The following STXBP6 variants were observed in gnomAD, a reference collection of about 807,000 sequenced individuals.
STXBP6 encodes syntaxin binding protein 6.
Under a neutral mutation model 26.9 loss-of-function variants are expected in STXBP6, and 21 were observed. That is an observed-to-expected ratio of 0.78 (90% CI 0.55 to 1.12). The LOEUF (loss-of-function observed/expected upper bound fraction) is 1.12, where lower values mean the gene tolerates loss of function less well. STXBP6 is among the 50% of genes most tolerant of loss of function. STXBP6 has a pLI of 0.00. For missense variants in STXBP6, 232 were observed against 257.9 expected, an observed-to-expected ratio of 0.90 and a Z score of 0.69; for synonymous variants, 97 against 92.6, an observed-to-expected ratio of 1.05 and a Z score of -0.27.
Position 25,049,693 on chromosome 14 carries a change from C to A in STXBP6, c.-33+185G>T. Reference sequence around the variant, plus strand: ...CACAAAGCAGCTGCGCCGGGGCGCGCGGCCCCCTCTCCCGCCACCCGCCAA... The same window carrying A: ...CACAAAGCAGCTGCGCCGGGGCGCGAGGCCCCCTCTCCCGCCACCCGCCAA... On this transcript the variant is annotated intron_variant, in intron 1 of 5. Coordinates refer to ENST00000323944, the MANE Select transcript of STXBP6 (RefSeq NM_001394410.1). This position sits in a 1 kb window ranked among gnomAD's most constrained non-coding sequence, Gnocchi z 5.6. The A allele has an allele frequency of 1.0e-6, 1 of 985,730 alleles. No homozygotes were observed. The highest frequency in any genetic ancestry group is 1.7e-5 in the African/African-American group (1 of 57,372). 61.1% of individuals were successfully genotyped at this position (985,730 alleles called of 1,614,324 possible). A position where few individuals can be genotyped will look rare whatever the true frequency, so the allele number is the denominator to read the frequency against.
intron 4 of STXBP6, among the ~76,000 whole-genome samples, chr14:24,836,764 G>GA (rs1168600295): frequency 5.3e-5 from 8 of 151,956 alleles, no homozygotes; most frequent in African/African-American, 1.9e-4. Flanking sequence ...AAAATGAATG[G>GA]AAAAAGAGAT....
rs951229861 is a variant in STXBP6 at position 24,810,726 on chromosome 14, T to C, written c.*1983A>G. ...TACTTTGGAATCAGCTTCCCAAACATTGTTGTTAGAGAGTTGGCAACCACT... is the reference window on the plus strand; with the variant it reads ...TACTTTGGAATCAGCTTCCCAAACACTGTTGTTAGAGAGTTGGCAACCACT... On this transcript the variant is annotated 3_prime_UTR_variant, in exon 6 of 6. Transcript: ENST00000323944. 1.3e-5 allele frequency: 2 copies of C among 152,182 alleles called. No homozygotes were observed. The highest frequency in any genetic ancestry group is 2.9e-5 in the Non-Finnish European group (2 of 68,032). The allele number at this position is 152,182 out of a possible 1,614,324, so 9.4% of individuals were successfully genotyped here. A position where few individuals can be genotyped will look rare whatever the true frequency, so the allele number is the denominator to read the frequency against.
intron 5 of STXBP6, among the ~76,000 whole-genome samples, chr14:24,814,787 T>C (rs1032242362): frequency 8.5e-5 from 13 of 152,156 alleles, no homozygotes; most frequent in African/African-American, 3.1e-4. Flanking sequence ...ATGAATGAGA[T>C]TAGTGTCCTT....
At position 24,809,512 on chromosome 14, in the gene STXBP6, A is replaced by C. The variant is rs2067763932; in HGVS notation, c.*3197T>G. ...AAGCTTTTCCATTAGAACATATGTA[A>C]TGACATTTTATCATCATGCTAATAC... On this transcript the variant is annotated 3_prime_UTR_variant, in exon 6 of 6. Coordinates refer to ENST00000323944, the MANE Select transcript of STXBP6 (RefSeq NM_001394410.1). 1 of 152,198 alleles carries C rather than the reference A, an allele frequency of 6.6e-6. No homozygotes were observed. The highest frequency in any genetic ancestry group is 2.4e-5 in the African/African-American group (1 of 41,454). The allele number at this position is 152,198 out of a possible 1,614,324, so 9.4% of individuals were successfully genotyped here. A position where few individuals can be genotyped will look rare whatever the true frequency, so the allele number is the denominator to read the frequency against.
rs563712186 is a variant in STXBP6, at chr14:24,822,402, G to A, written c.452-3208C>T. On this transcript the variant is annotated intron_variant, in intron 4 of 5. Transcript: ENST00000323944. ...TATGATAATTACTAGAAATAAAATT[G>A]CTGGTTCAAAGCATACAAACATTTT... 3.9e-5 allele frequency among the ~76,000 whole-genome samples: 6 copies of A among 152,160 alleles called. No individual in the cohort carries two copies. In the East Asian group the frequency reaches 1.2e-3, roughly 29 times the overall value.
At chr14:24,827,311 C>G (rs1441098607) in intron 4 of STXBP6, among the ~76,000 whole-genome samples, 1 of 152,190 alleles carries the variant, frequency 6.6e-6, no homozygotes, top group Non-Finnish European at 1.5e-5. Flanking sequence ...GCAGTATGTG[C>G]TCAATGTACT....
chr14:25,020,569 A>T (rs1484219890), intron 1 of STXBP6, among the ~76,000 whole-genome samples: 1 of 152,138 alleles, frequency 6.6e-6, no homozygotes, highest in African/African-American at 2.4e-5. Context: ...GTTTTCTGAA[A>T]TGTCTCTGAA....
chr14:24,907,272 C>T (rs2071416095), intron 2 of STXBP6, among the ~76,000 whole-genome samples: 1 of 151,734 alleles, frequency 6.6e-6, no homozygotes, highest in Non-Finnish European at 1.5e-5. Flanking sequence ...TAACACATAC[C>T]CCAGAAATCT....
At chr14:24,948,972 T>C (rs1359022611) in intron 2 of STXBP6, among the ~76,000 whole-genome samples, 2 of 152,126 alleles carry the variant, frequency 1.3e-5, no homozygotes, top group Non-Finnish European at 2.9e-5. Context: ...TTCTAATACG[T>C]TGGTGCACAT....
At position 24,812,533 on chromosome 14, in the gene STXBP6, T is replaced by C. The variant is rs745531773; in HGVS notation, c.*176A>G. 692 of 625,894 alleles carry C rather than the reference T, an allele frequency of 1.1e-3. 6 individuals are homozygous for C. The highest frequency in any genetic ancestry group is 4.2e-4 in the Middle Eastern group (1 of 2,370). 38.8% of individuals were successfully genotyped at this position (625,894 alleles called of 1,614,324 possible). On this transcript the variant is annotated 3_prime_UTR_variant, in exon 6 of 6. Transcript: ENST00000323944. ...TTTATTAGCAAGATCATTAGGGAAA[T>C]GTAAAAATGCAACACCCTTTCTTTC...
In STXBP6 at chr14:25,045,656, T is replaced by G. The variant is rs900083381; in HGVS notation, c.-33+4222A>C. Among the ~76,000 whole-genome samples the G allele has an allele frequency of 7.9e-4, 118 of 149,368 alleles. 1 individual carries two copies. Among genetic ancestry groups the G allele is most frequent in the Non-Finnish European group, 1.1e-3 (73 of 67,574 alleles). On this transcript the variant is annotated intron_variant, in intron 1 of 5. Coordinates refer to ENST00000323944, the MANE Select transcript of STXBP6 (RefSeq NM_001394410.1). The stretch of plus-strand genomic sequence containing the variant: ...TTCACTCTTGTTGCCCAGGCTGGAG[T>G]GCAATGGCACGATCTCGGCTCACTG...
intron 4 of STXBP6, among the ~76,000 whole-genome samples, chr14:24,839,531 T>G (rs190897651): frequency 6.6e-6 from 1 of 152,196 alleles, no homozygotes; most frequent in African/African-American, 2.4e-5. Context: ...TTAGTCAAAT[T>G]TGATTCTGTG....
At chr14:24,950,824 T>C (rs2073143130) in intron 2 of STXBP6, among the ~76,000 whole-genome samples, 1 of 152,166 alleles carries the variant, frequency 6.6e-6, no homozygotes, top group South Asian at 2.1e-4. Flanking sequence ...ACGCATGCCA[T>C]GGTGGTTTGC....
intron 1 of STXBP6, among the ~76,000 whole-genome samples, chr14:24,986,098 A>C (rs896231028): frequency 6.6e-6 from 1 of 152,216 alleles, no homozygotes; most frequent in Non-Finnish European, 1.5e-5. Context: ...AGAAAGAGAA[A>C]ACATGATTAA....
chr14:24,975,526 C>G (rs781573260), intron 1 of STXBP6, among the ~76,000 whole-genome samples: 5 of 152,152 alleles, frequency 3.3e-5, no homozygotes, highest in African/African-American at 4.8e-5. Flanking sequence ...TTTCCTTCAG[C>G]CAAAATGGAT....
chr14:24,839,515 A>C (rs934060358), intron 4 of STXBP6, among the ~76,000 whole-genome samples: 1 of 152,082 alleles, frequency 6.6e-6, no homozygotes, highest in African/African-American at 2.4e-5. Context: ...CGTCTTGAAA[A>C]AAAATTTAGT....
At chr14:24,994,010 A>G (rs1032245354) in intron 1 of STXBP6, among the ~76,000 whole-genome samples, 6 of 152,134 alleles carry the variant, frequency 3.9e-5, no homozygotes, top group African/African-American at 1.4e-4. Context: ...GTCTCTCTCT[A>G]TGTATAGCCT....
chr14:24,882,665 C>T (rs536324570), intron 2 of STXBP6, among the ~76,000 whole-genome samples: 4 of 152,044 alleles, frequency 2.6e-5, no homozygotes, highest in Admixed American at 6.6e-5. Context: ...AGTTCACTAC[C>T]CCACCCCTAG....
chr14:25,001,330 G>A (rs563658947), intron 1 of STXBP6, among the ~76,000 whole-genome samples: 5 of 152,234 alleles, frequency 3.3e-5, no homozygotes, highest in African/African-American at 9.6e-5. Flanking sequence ...ACAGTCCCTG[G>A]CATAGATCTC....
Sources: gnomAD v4.1 joint callset for allele counts (sites outside exome capture counted in the v4.1 genomes callset) on GRCh38, gnomAD v4.1.1 for gene constraint, Gnocchi (gnomAD v3.1) non-coding constraint, MANE v1.5 for transcripts, NCBI Gene and HGNC (gene_info 2026-07-23, HGNC 2026-07-21) for gene names.